DYNC1I1: variants seen among roughly 807,000 people sequenced by gnomAD.
DYNC1I1 encodes dynein cytoplasmic 1 intermediate chain 1, also known as cytoplasmic dynein 1 intermediate chain 1.
Under a neutral mutation model 86.6 loss-of-function variants are expected in DYNC1I1, and 43 were observed. The observed-to-expected ratio is 0.50, with a 90% confidence interval of 0.39 to 0.64. The LOEUF is 0.64. DYNC1I1 is among the 30% of genes least tolerant of loss of function. The pLI, the probability that DYNC1I1 is intolerant of heterozygous loss-of-function variation, is 0.00. For missense variants in DYNC1I1, 604 were observed against 788.8 expected (o/e 0.77, Z 2.81); for synonymous variants, 262 against 283.7 (o/e 0.92, Z 0.77).
intron 14 of DYNC1I1, among the ~76,000 whole-genome samples, chr7:96,072,072 G>T (rs77792650): frequency 1.3e-5 from 2 of 152,120 alleles, no homozygotes. Context: ...TGTAAATACC[G>T]TCTACTTTAC....
At chr7:96,099,783 T>A (rs1033778420), downstream of DYNC1I1, among the ~76,000 whole-genome samples, 3 of 152,168 alleles carry the variant, frequency 2.0e-5, no homozygotes, top group African/African-American at 7.2e-5. Context: ...ACATATGAAT[T>A]TGGGAATGAA....
chr7:95,832,339 G>A (rs1474620235), intron 5 of DYNC1I1, among the ~76,000 whole-genome samples: 1 of 151,066 alleles, frequency 6.6e-6, no homozygotes, highest in Admixed American at 6.6e-5. Context: ...TGGTGTATAT[G>A]TGCCACATTT....
At chr7:95,850,290 T>C (rs2116062503) in intron 5 of DYNC1I1, among the ~76,000 whole-genome samples, 1 of 152,282 alleles carries the variant, frequency 6.6e-6, no homozygotes, top group Non-Finnish European at 1.5e-5. Flanking sequence ...TACCAGATCT[T>C]TAAGGAAAAG....
At chr7:95,831,634 C>G (rs2115945477) in intron 5 of DYNC1I1, among the ~76,000 whole-genome samples, 1 of 151,594 alleles carries the variant, frequency 6.6e-6, no homozygotes, top group South Asian at 2.1e-4. Flanking sequence ...CAACAGTGTA[C>G]TAGGTTGTTT....
intron 6 of DYNC1I1, among the ~76,000 whole-genome samples, chr7:95,895,982 C>G (rs1790872910): frequency 6.6e-6 from 1 of 152,184 alleles, no homozygotes; most frequent in Admixed American, 6.6e-5. Flanking sequence ...CTCCACCTTT[C>G]CCCTCCTAGG....
chr7:95,988,625 C>T (rs961462003), intron 9 of DYNC1I1, among the ~76,000 whole-genome samples: 2 of 152,190 alleles, frequency 1.3e-5, no homozygotes, highest in African/African-American at 2.4e-5. Context: ...ACATTCTTAA[C>T]AACAATGTTC....
At chr7:96,109,421 G>A (rs1409492261) in intron 16 of DYNC1I1, among the ~76,000 whole-genome samples, 4 of 134,100 alleles carry the variant, frequency 3.0e-5, no homozygotes, top group Admixed American at 8.9e-5. Context: ...TTTATCTTTT[G>A]CATCTTTGGG....
At chr7:95,902,233 T>C (rs117073758) in intron 6 of DYNC1I1, among the ~76,000 whole-genome samples, 2,189 of 152,280 alleles carry the variant, frequency 0.014, 36 homozygotes, top group East Asian at 0.028. Context: ...AGTGGCGTGT[T>C]TTTTCCTGCT....
intron 1 of DYNC1I1, among the ~76,000 whole-genome samples, chr7:95,788,470 AG>A (rs1465014048): frequency 6.6e-6 from 1 of 152,202 alleles, no homozygotes; most frequent in Non-Finnish European, 1.5e-5. Flanking sequence ...ATGCACATGA[AG>A]CCAGAGTCCA....
chr7:95,918,212 G>T (rs1278751703), intron 6 of DYNC1I1, among the ~76,000 whole-genome samples: 2 of 152,102 alleles, frequency 1.3e-5, no homozygotes, highest in Non-Finnish European at 2.9e-5. Flanking sequence ...ATTTAATCTT[G>T]ATTGATTACA....
intron 5 of DYNC1I1, among the ~76,000 whole-genome samples, chr7:95,845,326 G>A (rs1488509): frequency 0.98 from 148,721 of 152,312 alleles, 72,706 homozygotes; most frequent in Middle Eastern, 1. Context: ...ATAATCCTCA[G>A]GATGGTGGTA....
intron 10 of DYNC1I1, among the ~76,000 whole-genome samples, chr7:96,018,286 T>C (rs1169383633): frequency 6.6e-6 from 1 of 152,216 alleles, no homozygotes; most frequent in African/African-American, 2.4e-5. Context: ...ATTCAACCGA[T>C]GCAAGTTTTC....
rs888248425 is a variant in DYNC1I1 at position 96,097,915 on chromosome 7, A to G, written c.*322A>G. ...AACCTCTGGTTAAATTTGTGCTTAC[A>G]TGCACTCCTGGCATAGTCCTATTAA... On this transcript the variant is annotated 3_prime_UTR_variant, in exon 17 of 17. Transcript: ENST00000447467. The G allele has an allele frequency of 1.1e-5, 12 of 1,069,556 alleles. No individual in the cohort carries two copies. Among genetic ancestry groups the G allele is most frequent in the African/African-American group, 3.3e-5 (2 of 60,892 alleles). 66.3% of individuals were successfully genotyped at this position (1,069,556 alleles called of 1,614,324 possible). A position where few individuals can be genotyped will look rare whatever the true frequency, so the allele number is the denominator to read the frequency against.
chr7:96,040,649 A>G (rs1388711527), intron 14 of DYNC1I1, among the ~76,000 whole-genome samples: 1 of 152,136 alleles, frequency 6.6e-6, no homozygotes, highest in Non-Finnish European at 1.5e-5. Flanking sequence ...TATGTGAGTC[A>G]GAAGAAGAGA....
At chr7:96,003,339 T>C (rs1794062475) in intron 10 of DYNC1I1, among the ~76,000 whole-genome samples, 1 of 152,192 alleles carries the variant, frequency 6.6e-6, no homozygotes, top group African/African-American at 2.4e-5. Context: ...TACAATGAAT[T>C]ATTTAGAGAC....
At chr7:96,081,821 C>T in intron 16 of DYNC1I1, among the ~76,000 whole-genome samples, 1 of 152,062 alleles carries the variant, frequency 6.6e-6, no homozygotes, top group Admixed American at 6.6e-5. Flanking sequence ...TATGTTGGAA[C>T]AAGCTAGACG....
At chr7:95,891,468 G>T (rs1790737271) in intron 6 of DYNC1I1, among the ~76,000 whole-genome samples, 1 of 152,188 alleles carries the variant, frequency 6.6e-6, no homozygotes, top group Admixed American at 6.5e-5. Flanking sequence ...TTTTGCCTTT[G>T]TAGATGTCTC....
chr7:96,069,628 G>A (rs1392328907), intron 14 of DYNC1I1, among the ~76,000 whole-genome samples: 1 of 152,140 alleles, frequency 6.6e-6, no homozygotes, highest in Non-Finnish European at 1.5e-5. Flanking sequence ...TGCCAGTGTG[G>A]GAAACACTCC....
chr7:95,773,347 G>C (rs1368653332), intron 1 of DYNC1I1, among the ~76,000 whole-genome samples: 1 of 152,220 alleles, frequency 6.6e-6, no homozygotes, highest in Non-Finnish European at 1.5e-5. Context: ...GCGAAAAAGT[G>C]TGGCTGGGGG....
Sources: gnomAD v4.1 joint callset for allele counts (sites outside exome capture counted in the v4.1 genomes callset) on GRCh38, gnomAD v4.1.1 for gene constraint, MANE v1.5 for transcripts, NCBI Gene and HGNC (gene_info 2026-07-23, HGNC 2026-07-21) for gene names.